INVS: variants seen among roughly 807,000 people sequenced by gnomAD.
The protein encoded by INVS is inversin.
In INVS, 86 loss-of-function variants were observed where a neutral mutation model predicts 108.8. The observed-to-expected ratio is 0.79, with a 90% confidence interval of 0.66 to 0.95. The LOEUF (loss-of-function observed/expected upper bound fraction) is 0.95. Ranked by LOEUF, INVS falls within the 40% of genes least tolerant of loss-of-function variation. INVS has a pLI of 0.00. For synonymous variants in INVS, 455 were observed against 473.5 expected (o/e 0.96, Z 0.51); for missense variants, 1,169 against 1,297.4 (o/e 0.90, Z 1.52).
chr9:100,195,882 A>G (rs761354536), intron 3 of INVS, among the ~76,000 whole-genome samples: 5 of 152,216 alleles, frequency 3.3e-5, no homozygotes, highest in Non-Finnish European at 5.9e-5. Flanking sequence ...CTAATACATT[A>G]AGGATTTTTG....
intron 3 of INVS, among the ~76,000 whole-genome samples, chr9:100,149,793 GA>G (rs542626821): frequency 4.5e-4 from 69 of 151,958 alleles, no homozygotes; most frequent in African/African-American, 9.9e-4. Context: ...TTTCTAGTAT[GA>G]AAAAAAACTT....
chr9:100,167,164 G>C (rs1829389518), intron 3 of INVS, among the ~76,000 whole-genome samples: 1 of 151,892 alleles, frequency 6.6e-6, no homozygotes, highest in Admixed American at 6.6e-5. Flanking sequence ...CTGGGAGTTG[G>C]AGTTTGCAGT....
chr9:100,160,248 G>A (rs1395148998), intron 3 of INVS, among the ~76,000 whole-genome samples: 1 of 152,194 alleles, frequency 6.6e-6, no homozygotes, highest in African/African-American at 2.4e-5. Flanking sequence ...TCACCATTTA[G>A]CACAGTCAGC....
At chr9:100,290,815 G>T (rs1004671341) in intron 13 of INVS, among the ~76,000 whole-genome samples, 4 of 151,794 alleles carry the variant, frequency 2.6e-5, no homozygotes, top group Non-Finnish European at 5.9e-5. Context: ...AGCCTCAAGC[G>T]ACCTTTCACC....
intron 3 of INVS, among the ~76,000 whole-genome samples, chr9:100,169,285 G>A (rs1194600940): frequency 6.6e-6 from 1 of 152,094 alleles, no homozygotes; most frequent in African/African-American, 2.4e-5. Context: ...TGATATCAAT[G>A]GTATCATGTC....
intron 3 of INVS, among the ~76,000 whole-genome samples, chr9:100,184,891 C>T (rs10989003): frequency 0.19 from 29,352 of 152,036 alleles, 4,516 homozygotes; most frequent in African/African-American, 0.43. Context: ...TGGAAAATGA[C>T]AGGAGTAGAT....
intron 3 of INVS, among the ~76,000 whole-genome samples, chr9:100,149,889 A>G (rs1487546392): frequency 2.0e-5 from 3 of 152,190 alleles, no homozygotes; most frequent in Non-Finnish European, 4.4e-5. Flanking sequence ...CTATAATTTG[A>G]AAAAGTTCTT....
intron 3 of INVS, among the ~76,000 whole-genome samples, chr9:100,145,010 G>C (rs1022541914): frequency 6.6e-6 from 1 of 152,156 alleles, no homozygotes; most frequent in African/African-American, 2.4e-5. Flanking sequence ...AAAATCGAAA[G>C]TGCCGTTTTC....
chr9:100,157,157 T>C (rs2118999238), intron 3 of INVS, among the ~76,000 whole-genome samples: 1 of 151,792 alleles, frequency 6.6e-6, no homozygotes, highest in Middle Eastern at 3.4e-3. Context: ...AGAATATGTA[T>C]AGTAGAAACC....
intron 3 of INVS, among the ~76,000 whole-genome samples, chr9:100,169,433 A>G (rs1237867737): frequency 6.6e-6 from 1 of 152,222 alleles, no homozygotes; most frequent in Non-Finnish European, 1.5e-5. Flanking sequence ...TCTCTAATCT[A>G]TGGAGCTCTT....
chr9:100,196,291 C>T (rs1289086374), intron 3 of INVS, among the ~76,000 whole-genome samples: 1 of 152,166 alleles, frequency 6.6e-6, no homozygotes, highest in Non-Finnish European at 1.5e-5. Context: ...AAGTGATGGT[C>T]AGAATTCAGT....
chr9:100,264,795 G>T (rs771098208), intron 10 of INVS, 27 bp from the exon 11 acceptor site: 1 of 1,425,516 alleles, frequency 7.0e-7, no homozygotes, highest in Non-Finnish European at 9.9e-7. Context: ...TACTCCAGAT[G>T]TACTTGATTT....
At chr9:100,294,654 C>T (rs751607426) in intron 14 of INVS, among the ~76,000 whole-genome samples, 54 of 152,146 alleles carry the variant, frequency 3.5e-4, no homozygotes, top group Non-Finnish European at 6.2e-4. Context: ...CTTTCCCTTA[C>T]ATTATTAGTG....
intron 7 of INVS, among the ~76,000 whole-genome samples, chr9:100,242,987 A>G (rs1220205717): frequency 1.3e-5 from 2 of 152,150 alleles, no homozygotes; most frequent in Non-Finnish European, 2.9e-5. Flanking sequence ...TTATGTAGCA[A>G]TTATCTTTTA....
chr9:100,232,846 T>C (rs188664882), intron 5 of INVS, among the ~76,000 whole-genome samples: 41 of 152,300 alleles, frequency 2.7e-4, no homozygotes, highest in African/African-American at 9.9e-4. Context: ...GGCTCTTTTT[T>C]TGTTCCATAG....
intron 3 of INVS, among the ~76,000 whole-genome samples, chr9:100,138,358 A>G (rs138861921): frequency 1.3e-4 from 20 of 152,318 alleles, no homozygotes; most frequent in African/African-American, 4.6e-4. Context: ...GTGAGCCGAG[A>G]TCGTGCCATT....
intron 5 of INVS, 122 bp from the exon 6 acceptor site, chr9:100,239,938 C>A: frequency 2.2e-6 from 2 of 894,320 alleles, no homozygotes; most frequent in South Asian, 1.4e-5. Flanking sequence ...CACTGTACTC[C>A]AACCTGGGTG....
intron 3 of INVS, among the ~76,000 whole-genome samples, chr9:100,208,727 ATGTT>A (rs1167907067): frequency 2.6e-5 from 4 of 152,200 alleles, no homozygotes; most frequent in African/African-American, 9.6e-5. Flanking sequence ...TTAAAATATG[ATGTT>A]TTAATAACTT....
Position 100,274,133 on chromosome 9 carries a change from G to A in INVS, c.1784+1057G>A, listed in dbSNP as rs149118655. Among the ~76,000 whole-genome samples the A allele has an allele frequency of 7.2e-3, 1,100 of 152,024 alleles. 5 individuals carry two copies. Among genetic ancestry groups the A allele is most frequent in the Non-Finnish European group, 0.011 (778 of 67,970 alleles). On this transcript the variant is annotated intron_variant, in intron 12 of 16. Coordinates refer to ENST00000262457, the MANE Select transcript of INVS (RefSeq NM_014425.5). ...AGCACTTTGGGAGGCCAAGGCAGGC[G>A]GATCACTTGAGGTCAGGAGTTCAAG... is the stretch of plus-strand genomic sequence containing the variant.
Sources: gnomAD v4.1 joint callset for allele counts (sites outside exome capture counted in the v4.1 genomes callset) on GRCh38, gnomAD v4.1.1 for gene constraint, MANE v1.5 for transcripts, NCBI Gene and HGNC (gene_info 2026-07-23, HGNC 2026-07-21) for gene names.